Variants in TRDN observed in about 807,000 individuals in gnomAD.
TRDN encodes the protein triadin in skeletal muscle.
Under a neutral mutation model 149.7 loss-of-function variants are expected in TRDN, and 161 were observed. The ratio of observed to expected loss-of-function variants is 1.08; its 90% CI spans 0.95 to 1.23. The LOEUF (loss-of-function observed/expected upper bound fraction) is 1.23. Ranked by LOEUF, TRDN falls within the 50% of genes most tolerant of loss-of-function variation. The probability of loss-of-function intolerance (pLI) is 0.00; values close to 1 mark genes in which losing one functional copy is unlikely to be tolerated. For synonymous variants in TRDN, 294 were observed against 250.5 expected (o/e 1.17, Z -1.64); for missense variants, 896 against 823.5 (o/e 1.09, Z -1.08).
At chr6:123,395,691 T>A (rs1772696904) in intron 12 of TRDN, among the ~76,000 whole-genome samples, 1 of 152,128 alleles carries the variant, frequency 6.6e-6, no homozygotes, top group South Asian at 2.1e-4. Flanking sequence ...AAAAGTGTAT[T>A]TTAAAGAGGT....
chr6:123,273,049 A>G, intron 28 of TRDN, 38 bp from the exon 29 acceptor site: 2 of 1,372,454 alleles, frequency 1.5e-6, no homozygotes, highest in Non-Finnish European at 2.0e-6. Flanking sequence ...TTAGGTATTT[A>G]GAAGCTGGGA....
chr6:123,494,741 T>G (rs1209137640), intron 9 of TRDN, among the ~76,000 whole-genome samples: 5 of 152,062 alleles, frequency 3.3e-5, no homozygotes, highest in Admixed American at 3.3e-4. Flanking sequence ...AATTGAACTT[T>G]TTGTTTTTTT....
chr6:123,473,335 AG>A (rs1307770992), intron 9 of TRDN, among the ~76,000 whole-genome samples: 1 of 152,132 alleles, frequency 6.6e-6, no homozygotes, highest in African/African-American at 2.4e-5. Context: ...ACTGGAAGAA[AG>A]GGTATCAGCA....
intron 8 of TRDN, chr6:123,501,739 T>C (rs1778708328): frequency 1.5e-6 from 1 of 657,080 alleles, no homozygotes; most frequent in East Asian, 1.4e-4. Flanking sequence ...ATTTGTGCTT[T>C]TGTTTTAAAC....
At chr6:123,438,363 C>A (rs1291991417) in intron 11 of TRDN, among the ~76,000 whole-genome samples, 1 of 150,202 alleles carries the variant, frequency 6.7e-6, no homozygotes, top group African/African-American at 2.5e-5. Flanking sequence ...TATTTAATAA[C>A]AGTGAAAACA....
chr6:123,362,597 G>A (rs1780944953), intron 20 of TRDN, among the ~76,000 whole-genome samples: 1 of 151,882 alleles, frequency 6.6e-6, no homozygotes, highest in African/African-American at 2.4e-5. Flanking sequence ...TCTTATTTAA[G>A]GCTTAACTCT....
chr6:123,593,957 C>T (rs1021417046), intron 1 of TRDN, among the ~76,000 whole-genome samples: 4 of 152,044 alleles, frequency 2.6e-5, no homozygotes, highest in African/African-American at 4.8e-5. Flanking sequence ...GAAATTGATT[C>T]CTTCTCAAAT....
At chr6:123,367,831 A>G (rs1338983940) in intron 19 of TRDN, among the ~76,000 whole-genome samples, 1 of 152,152 alleles carries the variant, frequency 6.6e-6, no homozygotes, top group Non-Finnish European at 1.5e-5. Context: ...ACTGATAACC[A>G]AATTTCCCCT....
intron 12 of TRDN, among the ~76,000 whole-genome samples, chr6:123,395,518 G>A (rs1342264761): frequency 1.3e-5 from 2 of 152,106 alleles, no homozygotes; most frequent in African/African-American, 4.8e-5. Flanking sequence ...TGTGCACATA[G>A]ATTGGGCATG....
At chr6:123,629,466 A>C (rs890074563) in intron 1 of TRDN, among the ~76,000 whole-genome samples, 1 of 152,176 alleles carries the variant, frequency 6.6e-6, no homozygotes, top group Non-Finnish European at 1.5e-5. Context: ...AATGAGTTCC[A>C]GCTTCATGCT....
At chr6:123,549,894 G>C (rs1296705909) in intron 2 of TRDN, among the ~76,000 whole-genome samples, 1 of 152,002 alleles carries the variant, frequency 6.6e-6, no homozygotes, top group Admixed American at 6.6e-5. Context: ...TAACTTCTAA[G>C]TTTTTGGTGT....
intron 12 of TRDN, among the ~76,000 whole-genome samples, chr6:123,430,023 A>T (rs1774267200): frequency 6.6e-6 from 1 of 152,176 alleles, no homozygotes; most frequent in Non-Finnish European, 1.5e-5. Flanking sequence ...TAATCCCAGC[A>T]CTTTGGGAGA....
intron 1 of TRDN, among the ~76,000 whole-genome samples, chr6:123,574,314 T>TA (rs963202568): frequency 1.4e-4 from 22 of 151,824 alleles, no homozygotes; most frequent in African/African-American, 4.1e-4. Context: ...GATAGCAAGA[T>TA]AAAAAAAATA....
intron 12 of TRDN, among the ~76,000 whole-genome samples, chr6:123,402,052 T>G (rs773463443): frequency 2.2e-4 from 33 of 151,988 alleles, no homozygotes; most frequent in Non-Finnish European, 4.0e-4. Context: ...CTCCTGGAAT[T>G]ATGAATCAAT....
At chr6:123,517,974 G>T (rs976024984) in intron 5 of TRDN, among the ~76,000 whole-genome samples, 1 of 151,924 alleles carries the variant, frequency 6.6e-6, no homozygotes, top group Non-Finnish European at 1.5e-5. Flanking sequence ...TCATCACAAG[G>T]TCTCAGTCAC....
intron 9 of TRDN, among the ~76,000 whole-genome samples, chr6:123,466,037 T>C (rs1776787442): frequency 6.6e-6 from 1 of 152,238 alleles, no homozygotes. Context: ...TATATGGTTC[T>C]TGTAGCTGTT....
At chr6:123,616,486 A>G (rs868767640) in intron 1 of TRDN, among the ~76,000 whole-genome samples, 1 of 151,878 alleles carries the variant, frequency 6.6e-6, no homozygotes, top group Middle Eastern at 3.4e-3. Context: ...TTAATTTTAC[A>G]TTTTATTCTG....
intron 38 of TRDN, among the ~76,000 whole-genome samples, chr6:123,237,885 G>A (rs2047897278): frequency 1.3e-5 from 2 of 152,040 alleles, no homozygotes; most frequent in South Asian, 4.1e-4. Flanking sequence ...ACTTGAAGAA[G>A]GCAGAGAGAA....
At chr6:123,224,980 GA>G (rs1775301963) in intron 38 of TRDN, among the ~76,000 whole-genome samples, 1 of 151,634 alleles carries the variant, frequency 6.6e-6, no homozygotes, top group Admixed American at 6.6e-5. Context: ...TGAAATGGGA[GA>G]AAATATTTGC....
Sources: gnomAD v4.1 joint callset for allele counts (sites outside exome capture counted in the v4.1 genomes callset) on GRCh38, gnomAD v4.1.1 for gene constraint, MANE v1.5 for transcripts, NCBI Gene and HGNC (gene_info 2026-07-23, HGNC 2026-07-21) for gene names.